GALNTL6: variants seen among roughly 807,000 people sequenced by gnomAD.
GALNTL6 encodes polypeptide N-acetylgalactosaminyltransferase like 6.
In GALNTL6, 46 loss-of-function variants were observed where a neutral mutation model predicts 73.7. The observed-to-expected ratio is 0.62, with a 90% CI of 0.49 to 0.80. GALNTL6 has a LOEUF of 0.80. GALNTL6 is among the 30% of genes least tolerant of loss of function. The probability of loss-of-function intolerance (pLI) is 0.00; values close to 1 mark genes in which losing one functional copy is unlikely to be tolerated. For synonymous variants in GALNTL6, 259 were observed against 263.7 expected, an observed-to-expected ratio of 0.98 and a Z score of 0.17; for missense variants, 604 against 755.0, an observed-to-expected ratio of 0.80 and a Z score of 2.34.
chr4:172,837,967 A>G (rs17058951), intron 7 of GALNTL6, among the ~76,000 whole-genome samples: 29,127 of 152,220 alleles, frequency 0.19, 5,926 homozygotes, highest in African/African-American at 0.5. Flanking sequence ...TTGAGCACAA[A>G]GGTAGTGTAT....
intron 2 of GALNTL6, among the ~76,000 whole-genome samples, chr4:172,220,547 A>G (rs1736640072): frequency 6.6e-6 from 1 of 151,802 alleles, no homozygotes; most frequent in Admixed American, 6.6e-5. Context: ...TTTACATGTT[A>G]GGTTGTGATA....
intron 7 of GALNTL6, among the ~76,000 whole-genome samples, chr4:172,831,865 G>A (rs138004395): frequency 2.0e-5 from 3 of 152,278 alleles, no homozygotes; most frequent in South Asian, 2.1e-4. Context: ...ACAACAAGAC[G>A]TCTGCAGTCT....
intron 2 of GALNTL6, among the ~76,000 whole-genome samples, chr4:171,956,535 T>G (rs1487602842): frequency 6.6e-6 from 1 of 152,196 alleles, no homozygotes; most frequent in Non-Finnish European, 1.5e-5. Context: ...GCAAAACTCA[T>G]TTTTGGCTTT....
chr4:172,624,184 A>G lies in GALNTL6; in HGVS notation c.554-185177A>G, dbSNP rs116585211. On this transcript the variant is annotated intron_variant, in intron 5 of 12. Transcript: ENST00000506823. ...TCTAGCTTAAGCAAAAATTAATTTA[A>G]GTTCTTTTTTCTTTGGACCCAAAAT... 8.4e-3 allele frequency among the ~76,000 whole-genome samples: 1,282 copies of G among 152,232 alleles called. 21 individuals carry two copies. Among genetic ancestry groups the G allele is most frequent in the African/African-American group, 0.029 (1,216 of 41,562 alleles).
chr4:172,777,913 T>C (rs1031115773), intron 5 of GALNTL6, among the ~76,000 whole-genome samples: 2 of 152,238 alleles, frequency 1.3e-5, no homozygotes, highest in African/African-American at 4.8e-5. Context: ...GCTTTGCATA[T>C]GCACACATGC....
intron 2 of GALNTL6, among the ~76,000 whole-genome samples, chr4:172,201,176 T>TG (rs754533516): frequency 3.3e-5 from 5 of 151,508 alleles, no homozygotes; most frequent in African/African-American, 1.2e-4. Flanking sequence ...AGTTGGGAGT[T>TG]GTTTTTTTTT....
At chr4:171,826,241 T>C (rs1464398409) in intron 2 of GALNTL6, among the ~76,000 whole-genome samples, 1 of 152,168 alleles carries the variant, frequency 6.6e-6, no homozygotes, top group Non-Finnish European at 1.5e-5. Flanking sequence ...ACTGTGAGTA[T>C]AGGATTTTCA....
intron 5 of GALNTL6, among the ~76,000 whole-genome samples, chr4:172,515,711 A>T (rs1734582229): frequency 1.3e-5 from 2 of 152,132 alleles, no homozygotes; most frequent in Non-Finnish European, 2.9e-5. Context: ...AGCACCTCCT[A>T]TTGGCTGGCT....
intron 7 of GALNTL6, among the ~76,000 whole-genome samples, chr4:172,829,110 G>A (rs1433086421): frequency 6.6e-6 from 1 of 152,190 alleles, no homozygotes; most frequent in Non-Finnish European, 1.5e-5. Context: ...GTATGTGTAT[G>A]AGATGCAACC....
chr4:172,747,010 C>T (rs1319476704), intron 5 of GALNTL6, among the ~76,000 whole-genome samples: 1 of 151,694 alleles, frequency 6.6e-6, no homozygotes, highest in Non-Finnish European at 1.5e-5. Context: ...TTGCAGGATA[C>T]AAAATTAATA....
chr4:171,839,561 T>A (rs192451152), intron 2 of GALNTL6, among the ~76,000 whole-genome samples: 1 of 151,934 alleles, frequency 6.6e-6, no homozygotes, highest in African/African-American at 2.4e-5. Context: ...CACACACACA[T>A]ACATACCTGT....
intron 5 of GALNTL6, among the ~76,000 whole-genome samples, chr4:172,807,116 A>G (rs1047199865): frequency 6.6e-6 from 1 of 152,172 alleles, no homozygotes; most frequent in Non-Finnish European, 1.5e-5. Context: ...ACACACAGGC[A>G]GTGTGTTGTA....
chr4:172,668,162 A>G (rs1032960312), intron 5 of GALNTL6: 1 of 152,214 alleles, frequency 6.6e-6, no homozygotes, highest in African/African-American at 2.4e-5. Flanking sequence ...GCTCTTGAGT[A>G]TTATTGCCAT....
At chr4:172,385,856 G>T (rs77681162) in intron 5 of GALNTL6, among the ~76,000 whole-genome samples, 1 of 150,176 alleles carries the variant, frequency 6.7e-6, no homozygotes. Context: ...TTTTTTCTTC[G>T]GTTACATATA....
intron 3 of GALNTL6, among the ~76,000 whole-genome samples, chr4:172,233,063 G>A (rs1271398544): frequency 6.6e-6 from 1 of 151,974 alleles, no homozygotes; most frequent in East Asian, 1.9e-4. Flanking sequence ...GTTCTACATT[G>A]TCTTTTAAAA....
At chr4:172,303,537 C>T (rs1740016555) in intron 3 of GALNTL6, among the ~76,000 whole-genome samples, 1 of 152,134 alleles carries the variant, frequency 6.6e-6, no homozygotes, top group East Asian at 1.9e-4. Context: ...GCCTGCCTAC[C>T]TGTTGCCTTT....
chr4:172,431,782 A>G (rs1731463802), intron 5 of GALNTL6, among the ~76,000 whole-genome samples: 1 of 152,160 alleles, frequency 6.6e-6, no homozygotes, highest in African/African-American at 2.4e-5. Flanking sequence ...CAGTATTTTT[A>G]CTGACTGACT....
chr4:172,572,077 T>C (rs1469200665), intron 5 of GALNTL6, among the ~76,000 whole-genome samples: 1 of 152,208 alleles, frequency 6.6e-6, no homozygotes, highest in Non-Finnish European at 1.5e-5. Flanking sequence ...ATGATGATTG[T>C]GACAATTATT....
chr4:173,033,738 T>C (rs1159840215), intron 12 of GALNTL6, among the ~76,000 whole-genome samples: 1 of 152,222 alleles, frequency 6.6e-6, no homozygotes, highest in Non-Finnish European at 1.5e-5. Context: ...GTTTCTTAAT[T>C]CCAAGCCTTC....
Sources: gnomAD v4.1 joint callset for allele counts (sites outside exome capture counted in the v4.1 genomes callset) on GRCh38, gnomAD v4.1.1 for gene constraint, MANE v1.5 for transcripts, NCBI Gene and HGNC (gene_info 2026-07-23, HGNC 2026-07-21) for gene names.